Variants in PTPRT observed in about 807,000 individuals in gnomAD.
The protein encoded by PTPRT is protein tyrosine phosphatase receptor type T.
PTPRT carries 56 observed loss-of-function variants against 176.8 expected under a neutral mutation model. That is an observed-to-expected ratio of 0.32 (90% CI 0.26 to 0.40). The LOEUF (loss-of-function observed/expected upper bound fraction) is 0.40, where lower values mean the gene tolerates loss of function less well. Among genes scored for constraint, PTPRT ranks in the 10% least tolerant of loss-of-function variants. The pLI is 1.00. For missense variants in PTPRT, 1,540 were observed against 1,908.2 expected, an observed-to-expected ratio of 0.81 and a Z score of 3.60; for synonymous variants, 783 against 739.0, an observed-to-expected ratio of 1.06 and a Z score of -0.96.
intron 1 of PTPRT, among the ~76,000 whole-genome samples, chr20:43,088,064 T>TG (rs5841493): frequency 0.56 from 84,847 of 151,896 alleles, 23,890 homozygotes; most frequent in East Asian, 0.76. Flanking sequence ...AAATGATCAA[T>TG]GTTGAGACGA....
intron 12 of PTPRT, among the ~76,000 whole-genome samples, chr20:42,282,813 A>G (rs2057162449): frequency 6.6e-6 from 1 of 152,122 alleles, no homozygotes; most frequent in Non-Finnish European, 1.5e-5. Context: ...ATATCAGATA[A>G]TTCCCAGCAC....
chr20:42,142,346 T>C (rs138606151), intron 17 of PTPRT, among the ~76,000 whole-genome samples: 8 of 152,278 alleles, frequency 5.3e-5, no homozygotes, highest in Non-Finnish European at 7.4e-5. Flanking sequence ...ACTAGGGATA[T>C]AGAGAAACAG....
intron 1 of PTPRT, among the ~76,000 whole-genome samples, chr20:43,045,018 A>C (rs1786274299): frequency 6.6e-6 from 1 of 152,260 alleles, no homozygotes; most frequent in South Asian, 2.1e-4. Context: ...ATGTCACTGT[A>C]AGACGGGCAG....
At chr20:42,143,594 C>T (rs1988729000) in intron 17 of PTPRT, among the ~76,000 whole-genome samples, 1 of 150,778 alleles carries the variant, frequency 6.6e-6, no homozygotes, top group East Asian at 1.9e-4. Flanking sequence ...GTACTCCAGG[C>T]AACACATGAT....
intron 7 of PTPRT, among the ~76,000 whole-genome samples, chr20:42,572,077 TGATGTCTGGC>T (rs2073165775): frequency 6.6e-6 from 1 of 152,192 alleles, no homozygotes; most frequent in Non-Finnish European, 1.5e-5. Flanking sequence ...CCAGAATATA[TGATGTCTGGC>T]GAGGGTCTGT....
At chr20:42,904,342 G>C (rs1317276065) in intron 1 of PTPRT, among the ~76,000 whole-genome samples, 1 of 152,146 alleles carries the variant, frequency 6.6e-6, no homozygotes, top group African/African-American at 2.4e-5. Context: ...GGCCTGACAG[G>C]ACACCACAGG....
At chr20:42,548,659 T>C (rs1241237047) in intron 7 of PTPRT, among the ~76,000 whole-genome samples, 2 of 152,194 alleles carry the variant, frequency 1.3e-5, no homozygotes, top group South Asian at 4.2e-4. Flanking sequence ...TGGATGTATA[T>C]TCAGTAAAAT....
intron 11 of PTPRT, among the ~76,000 whole-genome samples, chr20:42,345,893 T>A (rs551858184): frequency 1.3e-5 from 2 of 152,268 alleles, no homozygotes; most frequent in East Asian, 1.9e-4. Context: ...CAGATTCTGA[T>A]GAGCCTTGAA....
chr20:42,395,790 T>C (rs2058842975), intron 9 of PTPRT, among the ~76,000 whole-genome samples: 2 of 152,188 alleles, frequency 1.3e-5, no homozygotes, highest in Non-Finnish European at 2.9e-5. Context: ...CTTTTTTTAT[T>C]ACTTGGCTTC....
chr20:42,187,439 A>G (rs771642157), intron 16 of PTPRT, among the ~76,000 whole-genome samples: 12 of 152,174 alleles, frequency 7.9e-5, no homozygotes, highest in Non-Finnish European at 1.8e-4. Context: ...AAAATTATGT[A>G]GGAAGCAACC....
chr20:42,422,560 G>A (rs6030212), intron 9 of PTPRT, among the ~76,000 whole-genome samples: 102,484 of 152,064 alleles, frequency 0.67, 34,804 homozygotes, highest in East Asian at 0.73. Context: ...AGATGCTAGC[G>A]AGGATGTGGA....
At chr20:42,649,742 T>C (rs989606274) in intron 7 of PTPRT, among the ~76,000 whole-genome samples, 1 of 152,144 alleles carries the variant, frequency 6.6e-6, no homozygotes, top group African/African-American at 2.4e-5. Flanking sequence ...AGCAGACATA[T>C]CCCTCCCTCA....
At chr20:42,791,081 G>T in intron 3 of PTPRT, 114 bp downstream of exon 3, 1 of 1,338,674 alleles carries the variant, frequency 7.5e-7, no homozygotes. Context: ...GAGAAGCACA[G>T]TAAACACGAG....
intron 2 of PTPRT, among the ~76,000 whole-genome samples, chr20:42,813,165 C>T (rs928577440): frequency 4.3e-4 from 66 of 152,128 alleles, no homozygotes; most frequent in African/African-American, 1.5e-3. Context: ...CTATTTTGGG[C>T]CTCAATTTGT....
At chr20:42,573,999 G>A (rs1301838381) in intron 7 of PTPRT, among the ~76,000 whole-genome samples, 3 of 151,874 alleles carry the variant, frequency 2.0e-5, no homozygotes, top group African/African-American at 4.8e-5. Flanking sequence ...CCACCACCTC[G>A]GCCTCCCAAA....
At chr20:42,825,546 T>A (rs879323579) in intron 2 of PTPRT, among the ~76,000 whole-genome samples, 1 of 152,146 alleles carries the variant, frequency 6.6e-6, no homozygotes, top group Non-Finnish European at 1.5e-5. Flanking sequence ...CGTATGAGCA[T>A]ATGCATACAC....
At chr20:42,911,561 A>G (rs924532599) in intron 1 of PTPRT, among the ~76,000 whole-genome samples, 4 of 152,178 alleles carry the variant, frequency 2.6e-5, no homozygotes, top group African/African-American at 9.7e-5. Flanking sequence ...TGTATACATT[A>G]TCTAGGGGCA....
chr20:43,177,597 A>T (rs1356377163), intron 1 of PTPRT, among the ~76,000 whole-genome samples: 1 of 152,222 alleles, frequency 6.6e-6, no homozygotes, highest in African/African-American at 2.4e-5. Flanking sequence ...AGGAAATGGG[A>T]ATGGAATAAA....
chr20:42,091,323 G>A (rs913207191), intron 27 of PTPRT, among the ~76,000 whole-genome samples: 12 of 152,274 alleles, frequency 7.9e-5, no homozygotes, highest in African/African-American at 1.7e-4. Context: ...CGCATTAAAC[G>A]TCTTTTTCTT....
Sources: gnomAD v4.1 joint callset for allele counts (sites outside exome capture counted in the v4.1 genomes callset) on GRCh38, gnomAD v4.1.1 for gene constraint, MANE v1.5 for transcripts, NCBI Gene and HGNC (gene_info 2026-07-23, HGNC 2026-07-21) for gene names.